Variants in LMO3 observed in about 807,000 individuals in gnomAD.
LMO3 encodes LIM domain only protein 3.
LMO3 carries 2 observed loss-of-function variants against 15.8 expected under a neutral mutation model. The ratio of observed to expected loss-of-function variants is 0.13; its 90% CI spans 0.05 to 0.40. The LOEUF (loss-of-function observed/expected upper bound fraction) is 0.40. Ranked by LOEUF, LMO3 falls within the 10% of genes least tolerant of loss-of-function variation. The probability of loss-of-function intolerance (pLI) is 0.99; values close to 1 mark genes in which losing one functional copy is unlikely to be tolerated. For missense variants in LMO3, 86 were observed against 182.2 expected (o/e 0.47, Z 3.04); for synonymous variants, 62 against 63.8 (o/e 0.97, Z 0.13).
chr12:16,605,415 C>A, intron 1 of LMO3: 1 of 1,183,164 alleles, frequency 8.5e-7, no homozygotes, highest in Non-Finnish European at 1.1e-6. Flanking sequence ...CTCTTCTAGC[C>A]ACTTCTGCCC....
chr12:16,573,448 T>A (rs1192846038), intron 2 of LMO3: 1 of 152,202 alleles, frequency 6.6e-6, no homozygotes, highest in Admixed American at 6.5e-5. Flanking sequence ...TCTTTCTATG[T>A]GCTTGTGTGT....
At chr12:16,569,631 A>C (rs997888148) in intron 2 of LMO3, among the ~76,000 whole-genome samples, 4 of 152,326 alleles carry the variant, frequency 2.6e-5, no homozygotes, top group South Asian at 2.1e-4. Context: ...ATTTCCAGGC[A>C]AATATGGCAA....
At chr12:16,561,240 C>T (rs1038648136) in intron 2 of LMO3, among the ~76,000 whole-genome samples, 1 of 151,984 alleles carries the variant, frequency 6.6e-6, no homozygotes, top group Non-Finnish European at 1.5e-5. Flanking sequence ...TTGTAATGAC[C>T]TAAAAGAAGT....
chr12:16,594,526 G>A (rs2137652595), intron 2 of LMO3, among the ~76,000 whole-genome samples: 1 of 151,468 alleles, frequency 6.6e-6, no homozygotes, highest in African/African-American at 2.4e-5. Context: ...AGAAACATTG[G>A]CTAATTTTTT....
chr12:16,580,964 T>G (rs1943140529), intron 2 of LMO3, among the ~76,000 whole-genome samples: 1 of 152,220 alleles, frequency 6.6e-6, no homozygotes, highest in Non-Finnish European at 1.5e-5. Context: ...CATTCAGTCA[T>G]CCCTCAAGTT....
chr12:16,591,616 TG>T lies in LMO3; in HGVS notation c.206+9038del, dbSNP rs1943497653. On this transcript the variant is annotated intron_variant, in intron 2 of 3. Transcript: ENST00000537304. This position sits in a 1 kb window ranked among gnomAD's most constrained non-coding sequence, Gnocchi z 4.1. ...CATTTATTGAATGAAAAAATGGGAA[TG>T]GGGATGATTGTTTTGCAAGAGGTAT... Among the ~76,000 whole-genome samples the T allele has an allele frequency of 6.6e-6, 1 of 152,014 alleles. No individual in the cohort carries two copies. Among genetic ancestry groups the T allele is most frequent in the Non-Finnish European group, 1.5e-5 (1 of 67,966 alleles).
Position 16,560,554 on chromosome 12 carries a change from T to C in LMO3, c.207-16A>G. 1 of 647,478 alleles carries C rather than the reference T, an allele frequency of 1.5e-6. No individual in the cohort carries two copies. Among genetic ancestry groups the C allele is most frequent in the Non-Finnish European group, 2.0e-6 (1 of 487,970 alleles). 40.1% of individuals were successfully genotyped at this position (647,478 alleles called of 1,614,324 possible). On this transcript the variant is annotated splice_polypyrimidine_tract_variant and intron_variant, in intron 2 of 3. Coordinates refer to ENST00000537304, the MANE Select transcript of LMO3 (RefSeq NM_018640.5). This position sits in a 1 kb window ranked among gnomAD's most constrained non-coding sequence, Gnocchi z 5.0. ...ACCAAAGAGCCTAGAATAAGAAACATTTTTTTTTTTTTACAAACTCTTACA... is the reference window on the plus strand; with the variant it reads ...ACCAAAGAGCCTAGAATAAGAAACACTTTTTTTTTTTTACAAACTCTTACA...
intron 3 of LMO3, among the ~76,000 whole-genome samples, chr12:16,558,969 ACAGCTAATATAT>A (rs747294727): frequency 1.6e-4 from 24 of 152,304 alleles, no homozygotes; most frequent in Middle Eastern, 3.4e-3. Context: ...TCAAGATCAC[ACAGCTAATATAT>A]CAGCTAATAT....
rs368683736 is a variant in LMO3, at chr12:16,603,019, T to A, written c.-8-2151A>T. ...AAAAAAAAAAAATCCCAGTAGCAGCTAAGTTATATTTCCCACAGTTGTGTT... is the reference window on the plus strand; with the variant it reads ...AAAAAAAAAAAATCCCAGTAGCAGCAAAGTTATATTTCCCACAGTTGTGTT... On this transcript the variant is annotated intron_variant, in intron 1 of 3. Coordinates refer to ENST00000537304, the MANE Select transcript of LMO3 (RefSeq NM_018640.5). This position sits in a 1 kb window ranked among gnomAD's most constrained non-coding sequence, Gnocchi z 4.9. Among the ~76,000 whole-genome samples the A allele has an allele frequency of 2.7e-5, 4 of 150,198 alleles. No individual in the cohort carries two copies. The East Asian group carries it at 5.8e-4, about 22-fold the overall frequency.
At chr12:16,609,550 C>T (rs1944087666), upstream of LMO3, among the ~76,000 whole-genome samples, 1 of 151,852 alleles carries the variant, frequency 6.6e-6, no homozygotes, top group African/African-American at 2.4e-5. Context: ...CATCATCAGA[C>T]GTTTGATGAG....
At chr12:16,551,443 C>T (rs1941986508) in intron 3 of LMO3, 116 bp from the exon 4 acceptor site, 1 of 647,424 alleles carries the variant, frequency 1.5e-6, no homozygotes, top group Non-Finnish European at 2.7e-6. Context: ...ATCTGAAAAC[C>T]TGGCTTAGAC....
At chr12:16,590,006 T>A (rs1398543713) in intron 2 of LMO3, among the ~76,000 whole-genome samples, 1 of 152,040 alleles carries the variant, frequency 6.6e-6, no homozygotes, top group Non-Finnish European at 1.5e-5. Context: ...TGTACCTCCT[T>A]ATAAGATTCA....
At chr12:16,607,312 A>G (rs1273774430), upstream of LMO3, 1 of 152,270 alleles carries the variant, frequency 6.6e-6, no homozygotes, top group Non-Finnish European at 1.5e-5. Flanking sequence ...CACACGCTCC[A>G]ATGAAAAACA....
At chr12:16,566,204 A>G (rs1459571370) in intron 2 of LMO3, among the ~76,000 whole-genome samples, 3 of 151,284 alleles carry the variant, frequency 2.0e-5, no homozygotes, top group Non-Finnish European at 4.4e-5. Context: ...TCGACATCAT[A>G]GAAGGAGAAA....
At chr12:16,556,895 C>A (rs1384847208) in intron 3 of LMO3, among the ~76,000 whole-genome samples, 1 of 152,074 alleles carries the variant, frequency 6.6e-6, no homozygotes, top group Non-Finnish European at 1.5e-5. Context: ...GATATGCAGT[C>A]CCATTATGGC....
rs150862871 is a variant in LMO3 at position 16,597,206 on chromosome 12, G to C, written c.206+3449C>G. The stretch of plus-strand genomic sequence containing the variant: ...GTGAAAAATTCCACTGTTAAGATTT[G>C]ATACTTAGTGTACAAACTATGGAAG... On this transcript the variant is annotated intron_variant, in intron 2 of 3. Coordinates refer to ENST00000537304, the MANE Select transcript of LMO3 (RefSeq NM_018640.5). This position sits in a 1 kb window ranked among gnomAD's most constrained non-coding sequence, Gnocchi z 5.0. Among the ~76,000 whole-genome samples the C allele has an allele frequency of 4.7e-4, 72 of 151,658 alleles. No homozygotes were observed. In the East Asian group the frequency reaches 9.5e-3, roughly 20 times the overall value.
intron 2 of LMO3, among the ~76,000 whole-genome samples, chr12:16,562,172 T>G (rs1366245358): frequency 6.6e-6 from 1 of 152,184 alleles, no homozygotes; most frequent in Non-Finnish European, 1.5e-5. Flanking sequence ...TTCATCCTAT[T>G]CATTTGTAAG....
rs1942359031 is a variant in LMO3 at position 16,560,433 on chromosome 12, T to C, written c.312A>G (p.Ala104=). The part of the protein sequence containing the change: ...KDNVYHLDCF[A]CQLCNQRFCV... Reference sequence around the variant, plus strand: ...CTTACCTCTGATTACAAAGCTGACATGCAAAGCAGTCCAGGTGGTAAACAT... The same window carrying C: ...CTTACCTCTGATTACAAAGCTGACACGCAAAGCAGTCCAGGTGGTAAACAT... Residue 104 remains alanine, a synonymous_variant, in exon 3 of 4, where the codon GCA becomes GCG. Coordinates refer to ENST00000537304, the MANE Select transcript of LMO3 (RefSeq NM_018640.5). The surrounding 1 kb of genome is among the most constrained non-coding windows in gnomAD (Gnocchi z 5.0). The C allele has an allele frequency of 5.6e-6, 9 of 1,613,842 alleles. No homozygotes were observed. Among genetic ancestry groups the C allele is most frequent in the Non-Finnish European group, 7.6e-6 (9 of 1,179,830 alleles).
In LMO3 at chr12:16,596,445, A is replaced by T. The variant is rs545403227; in HGVS notation, c.206+4210T>A. Among the ~76,000 whole-genome samples, 17 of 151,662 alleles carry T rather than the reference A, an allele frequency of 1.1e-4. 1 individual carries two copies. The highest frequency in any genetic ancestry group is 2.4e-4 in the Non-Finnish European group (16 of 67,656). Reference sequence around the variant, plus strand: ...AAACAGCTTTGAATAAACTCTGGCAAGATATCATTCATAGAGATACAAGAT... The same window carrying T: ...AAACAGCTTTGAATAAACTCTGGCATGATATCATTCATAGAGATACAAGAT... On this transcript the variant is annotated intron_variant, in intron 2 of 3. Transcript: ENST00000537304. The surrounding 1 kb of genome is among the most constrained non-coding windows in gnomAD (Gnocchi z 4.3).
Sources: gnomAD v4.1 joint callset for allele counts (sites outside exome capture counted in the v4.1 genomes callset) on GRCh38, gnomAD v4.1.1 for gene constraint, Gnocchi (gnomAD v3.1) non-coding constraint, MANE v1.5 for transcripts, NCBI Gene and HGNC (gene_info 2026-07-23, HGNC 2026-07-21) for gene names.